Variants in DIS3L2 observed in about 807,000 individuals in gnomAD.
DIS3L2 encodes DIS3-like exonuclease 2.
In DIS3L2, 34 loss-of-function variants were observed where a neutral mutation model predicts 97.5. The observed-to-expected ratio is 0.35, with a 90% CI of 0.27 to 0.46. The LOEUF (loss-of-function observed/expected upper bound fraction) is 0.46. DIS3L2 is among the 20% of genes least tolerant of loss of function. The pLI, the probability that DIS3L2 is intolerant of heterozygous loss-of-function variation, is 1.00. For missense variants in DIS3L2, 1,038 were observed against 1,146.0 expected, an observed-to-expected ratio of 0.91 and a Z score of 1.36; for synonymous variants, 435 against 445.2, an observed-to-expected ratio of 0.98 and a Z score of 0.29.
At chr2:232,205,624 A>G (rs1392642414) in intron 9 of DIS3L2, among the ~76,000 whole-genome samples, 1 of 152,070 alleles carries the variant, frequency 6.6e-6, no homozygotes, top group Non-Finnish European at 1.5e-5. Flanking sequence ...AAAATTAGGA[A>G]ATGAGGTAAA....
At chr2:232,322,802 C>A (rs940369693) in intron 14 of DIS3L2, among the ~76,000 whole-genome samples, 12 of 152,218 alleles carry the variant, frequency 7.9e-5, no homozygotes, top group African/African-American at 2.9e-4. Flanking sequence ...CATTCCAGAA[C>A]ACCCTTCTTC....
chr2:232,219,285 C>T (rs1285014100), intron 10 of DIS3L2, among the ~76,000 whole-genome samples: 1 of 152,174 alleles, frequency 6.6e-6, no homozygotes, highest in Non-Finnish European at 1.5e-5. Context: ...CCTTGGATAT[C>T]TCTACTTCCT....
At chr2:232,264,944 G>T (rs141666507) in intron 13 of DIS3L2, among the ~76,000 whole-genome samples, 2 of 152,210 alleles carry the variant, frequency 1.3e-5, no homozygotes, top group Non-Finnish European at 2.9e-5. Context: ...GCCTGTCTGC[G>T]TGAGAATGCT....
intron 12 of DIS3L2, among the ~76,000 whole-genome samples, chr2:232,261,469 C>CTTCCCAGGTTT (rs1238776203): frequency 6.6e-6 from 1 of 152,192 alleles, no homozygotes; most frequent in Non-Finnish European, 1.5e-5. Context: ...TAACCTGGTG[C>CTTCCCAGGTTT]TTCCCAGGTT....
chr2:232,003,247 G>A (rs114007344), intron 1 of DIS3L2, among the ~76,000 whole-genome samples: 246 of 152,014 alleles, frequency 1.6e-3, no homozygotes, highest in African/African-American at 5.5e-3. Flanking sequence ...TTTCTCTGTC[G>A]TTTTAGAAAA....
chr2:232,291,897 C>T (rs1288728558), intron 13 of DIS3L2, among the ~76,000 whole-genome samples: 1 of 152,182 alleles, frequency 6.6e-6, no homozygotes, highest in Non-Finnish European at 1.5e-5. Flanking sequence ...TTTTTTTGCC[C>T]TTCCAAGGTC....
At chr2:232,216,046 C>CT (rs971899758) in intron 10 of DIS3L2, among the ~76,000 whole-genome samples, 14 of 152,194 alleles carry the variant, frequency 9.2e-5, no homozygotes, top group Admixed American at 5.2e-4. Context: ...CTCCCTCATC[C>CT]TATAAAACCT....
downstream of DIS3L2, among the ~76,000 whole-genome samples, chr2:232,341,837 T>TGG (rs1171771556): frequency 2.0e-5 from 3 of 152,092 alleles, no homozygotes; most frequent in Non-Finnish European, 2.9e-5. Flanking sequence ...TACCTGCCCT[T>TGG]CTGTAAGGAA....
At chr2:232,248,505 A>G (rs756047438) in intron 11 of DIS3L2, among the ~76,000 whole-genome samples, 9 of 152,244 alleles carry the variant, frequency 5.9e-5, no homozygotes, top group Non-Finnish European at 1.0e-4. Context: ...AGGAAAAAAA[A>G]CAAGTAATAT....
At chr2:232,280,326 G>A (rs1694248918) in intron 13 of DIS3L2, among the ~76,000 whole-genome samples, 2 of 152,158 alleles carry the variant, frequency 1.3e-5, no homozygotes, top group African/African-American at 4.8e-5. Flanking sequence ...AGGCTTCTCT[G>A]GCTTAAGATT....
At chr2:232,256,049 A>T (rs558772685) in intron 12 of DIS3L2, among the ~76,000 whole-genome samples, 34 of 152,252 alleles carry the variant, frequency 2.2e-4, no homozygotes, top group African/African-American at 8.2e-4. Flanking sequence ...GCCCCACGTC[A>T]TCTCCTCTGC....
chr2:232,021,875 C>A (rs1694528967), intron 3 of DIS3L2, among the ~76,000 whole-genome samples: 1 of 152,122 alleles, frequency 6.6e-6, no homozygotes, highest in Admixed American at 6.5e-5. Context: ...TCGAGAGAAG[C>A]AATCACTTCA....
At chr2:232,250,838 G>A (rs1049971993) in intron 12 of DIS3L2, among the ~76,000 whole-genome samples, 2 of 151,992 alleles carry the variant, frequency 1.3e-5, no homozygotes, top group Non-Finnish European at 2.9e-5. Flanking sequence ...TCCATGAGTC[G>A]GGACATGGGA....
chr2:231,991,401 T>C (rs961122622), intron 1 of DIS3L2, among the ~76,000 whole-genome samples: 4 of 152,086 alleles, frequency 2.6e-5, no homozygotes, highest in African/African-American at 9.7e-5. Flanking sequence ...GTTTTCTGAG[T>C]AGCTGGGACT....
chr2:232,142,773 T>C (rs1690099775), intron 8 of DIS3L2, among the ~76,000 whole-genome samples: 1 of 152,164 alleles, frequency 6.6e-6, no homozygotes, highest in African/African-American at 2.4e-5. Context: ...TAGAAAATAA[T>C]ACATAAAATA....
At chr2:232,214,186 G>A (rs1171893279) in intron 10 of DIS3L2, among the ~76,000 whole-genome samples, 5 of 152,186 alleles carry the variant, frequency 3.3e-5, no homozygotes. Context: ...ATCACTTGCA[G>A]CATACCTCAC....
At chr2:232,336,318 TC>T in intron 20 of DIS3L2, 150 bp from the exon 21 acceptor site, 1 of 1,547,356 alleles carries the variant, frequency 6.5e-7, no homozygotes, top group Admixed American at 2.0e-5. Context: ...AGGGCATTCT[TC>T]CTGGAGGGGG....
At chr2:232,206,814 T>G (rs1411057464) in intron 9 of DIS3L2, among the ~76,000 whole-genome samples, 2 of 152,180 alleles carry the variant, frequency 1.3e-5, no homozygotes, top group Non-Finnish European at 2.9e-5. Context: ...TACAGGCTAG[T>G]CTAGGATTTT....
At chr2:232,321,105 G>T (rs1695418308) in intron 14 of DIS3L2, among the ~76,000 whole-genome samples, 1 of 152,172 alleles carries the variant, frequency 6.6e-6, no homozygotes, top group Admixed American at 6.5e-5. Context: ...AGGCCCCAAA[G>T]AGTCCCTTGG....
Sources: gnomAD v4.1 joint callset for allele counts (sites outside exome capture counted in the v4.1 genomes callset) on GRCh38, gnomAD v4.1.1 for gene constraint, MANE v1.5 for transcripts, NCBI Gene and HGNC (gene_info 2026-07-23, HGNC 2026-07-21) for gene names.